Variants in WIPF2 observed in about 807,000 individuals in gnomAD.
WIPF2 encodes WAS/WASL-interacting protein family member 2.
WIPF2 carries 23 observed loss-of-function variants against 38.8 expected under a neutral mutation model. The observed-to-expected ratio is 0.59, with a 90% CI of 0.43 to 0.84. The LOEUF (loss-of-function observed/expected upper bound fraction) is 0.84. Among genes scored for constraint, WIPF2 ranks in the 40% least tolerant of loss-of-function variants. WIPF2 has a pLI of 0.00. For synonymous variants in WIPF2, 210 were observed against 223.2 expected, an observed-to-expected ratio of 0.94 and a Z score of 0.53; for missense variants, 574 against 580.5, an observed-to-expected ratio of 0.99 and a Z score of 0.11.
At chr17:40,219,996 G>C (rs1333714351) in intron 1 of WIPF2, 4 of 152,366 alleles carry the variant, frequency 2.6e-5, no homozygotes, top group Admixed American at 6.5e-5. Context: ...TCGGGAAACT[G>C]CTTACACTAG....
rs771927035 is a variant in WIPF2, at chr17:40,263,555, C to T, written c.313+914C>T. On this transcript the variant is annotated intron_variant, in intron 4 of 7. Coordinates refer to ENST00000323571, the MANE Select transcript of WIPF2 (RefSeq NM_133264.5). ...TTATTTTATTTATTCGTCCCCCCCC[C>T]CCCCGCAAATGGAGTCTTGCTCTGT... 3.5e-5 allele frequency among the ~76,000 whole-genome samples: 5 copies of T among 144,084 alleles called. No homozygotes were observed. In the East Asian group the frequency reaches 8.2e-4, roughly 24 times the overall value. 94.5% of individuals were successfully genotyped at this position (144,084 alleles called of 152,430 possible).
intron 1 of WIPF2, among the ~76,000 whole-genome samples, chr17:40,239,696 T>TC (rs1446353311): frequency 4.3e-4 from 62 of 144,486 alleles, no homozygotes; most frequent in Admixed American, 4.1e-4. Context: ...CTTTTCTTTT[T>TC]TTTTTTTTTT....
intron 1 of WIPF2, among the ~76,000 whole-genome samples, chr17:40,255,878 G>A (rs1193151728): frequency 3.3e-5 from 5 of 151,552 alleles, no homozygotes; most frequent in Non-Finnish European, 5.9e-5. Flanking sequence ...CACCCGCCTC[G>A]GCCTCCCAAA....
intron 1 of WIPF2, among the ~76,000 whole-genome samples, chr17:40,241,041 T>C (rs1401604147): frequency 2.0e-5 from 3 of 152,174 alleles, no homozygotes; most frequent in African/African-American, 4.8e-5. Context: ...TAACATGTTA[T>C]TCAACATATT....
chr17:40,252,493 G>A (rs572499823), intron 1 of WIPF2, among the ~76,000 whole-genome samples: 200 of 152,094 alleles, frequency 1.3e-3, no homozygotes, highest in Non-Finnish European at 2.4e-3. Flanking sequence ...GTGAAACCCC[G>A]TCTCTACTAA....
intron 7 of WIPF2, among the ~76,000 whole-genome samples, chr17:40,277,750 G>A (rs62065258): frequency 0.25 from 24,025 of 97,626 alleles, 2,781 homozygotes; most frequent in Non-Finnish European, 0.3. Context: ...TTTGAGATAG[G>A]GTCTCCCTAT....
intron 5 of WIPF2, among the ~76,000 whole-genome samples, chr17:40,270,930 TAAC>T (rs1042958040): frequency 6.6e-6 from 1 of 151,680 alleles, no homozygotes; most frequent in African/African-American, 2.4e-5. Flanking sequence ...GTTACATGCT[TAAC>T]TATAGTCACT....
chr17:40,260,916 G>A, intron 3 of WIPF2: 1 of 489,344 alleles, frequency 2.0e-6, no homozygotes, highest in South Asian at 2.0e-5. Flanking sequence ...ACTTTGGGAG[G>A]TCAAGGTGGA....
In WIPF2 at chr17:40,268,631, G is replaced by C. The variant is rs577535280; in HGVS notation, c.970+3485G>C. On this transcript the variant is annotated intron_variant, in intron 5 of 7. Transcript: ENST00000323571. ...ATTTTTATTTTTTAAGATGAGGTCT[G>C]TGTTGCCCAGGCTGGACTCAAACTC... 5.9e-5 allele frequency among the ~76,000 whole-genome samples: 9 copies of C among 152,092 alleles called. No homozygotes were observed. In the East Asian group the frequency reaches 1.5e-3, roughly 26 times the overall value.
At chr17:40,243,295 C>CA (rs2031253145) in intron 1 of WIPF2, among the ~76,000 whole-genome samples, 1 of 152,064 alleles carries the variant, frequency 6.6e-6, no homozygotes, top group South Asian at 2.1e-4. Flanking sequence ...ACAAACCCCC[C>CA]ACTGCTAAAT....
chr17:40,235,915 T>G (rs1175542090), intron 1 of WIPF2, among the ~76,000 whole-genome samples: 1 of 150,810 alleles, frequency 6.6e-6, no homozygotes, highest in Non-Finnish European at 1.5e-5. Flanking sequence ...ATATCTGAAT[T>G]ACCTCCTTTC....
rs575847608 is a variant in WIPF2 at position 40,278,730 on chromosome 17, G to C, written c.*505G>C. On this transcript the variant is annotated 3_prime_UTR_variant, in exon 8 of 8. Transcript: ENST00000323571. ...TTGCCAAGAAGTGATCTGTTTTAAA[G>C]GTCATATTTGGAGAAAGGGCAAGGA... 6.5e-6 allele frequency: 1 copy of C among 153,308 alleles called. No individual in the cohort carries two copies. Among genetic ancestry groups the C allele is most frequent in the Non-Finnish European group, 1.5e-5 (1 of 68,646 alleles). The allele number at this position is 153,308 out of a possible 1,614,324, so 9.5% of individuals were successfully genotyped here.
chr17:40,241,394 C>T (rs1201321631), intron 1 of WIPF2, among the ~76,000 whole-genome samples: 1 of 152,216 alleles, frequency 6.6e-6, no homozygotes, highest in South Asian at 2.1e-4. Context: ...TAGCCTTCCC[C>T]TAATACTGCT....
At chr17:40,250,094 A>C (rs980399697) in intron 1 of WIPF2, among the ~76,000 whole-genome samples, 2 of 151,556 alleles carry the variant, frequency 1.3e-5, no homozygotes, top group Non-Finnish European at 2.9e-5. Flanking sequence ...AGCCCCCCAG[A>C]GTGCTGGGAT....
Position 40,273,868 on chromosome 17 carries a change from G to C in WIPF2, c.1049G>C (p.Gly350Ala). ...PPPPPPYRMH[G>A]SEPPSRGKPP... ...CCCCCACCACCATACCGAATGCATG[G>C]GTCAGAACCCCCGAGCCGAGGAAAG... The change falls in exon 6 of 8, where the codon GGG (glycine) becomes GCG (alanine). Residue 350 changes from glycine to alanine, a missense_variant. Coordinates refer to ENST00000323571, the MANE Select transcript of WIPF2 (RefSeq NM_133264.5). 6.3e-7 allele frequency: 1 copy of C among 1,576,242 alleles called. No homozygotes were observed. Among genetic ancestry groups the C allele is most frequent in the Non-Finnish European group, 8.7e-7 (1 of 1,154,528 alleles).
chr17:40,226,208 AT>A (rs5820333), intron 1 of WIPF2, among the ~76,000 whole-genome samples: 7,036 of 109,920 alleles, frequency 0.064, 193 homozygotes, highest in Non-Finnish European at 0.089. Flanking sequence ...AAAAAAAAAA[AT>A]TTTTTTTTTT....
intron 1 of WIPF2, among the ~76,000 whole-genome samples, chr17:40,229,273 G>A (rs367893178): frequency 2.2e-4 from 33 of 151,274 alleles, no homozygotes; most frequent in African/African-American, 5.6e-4. Flanking sequence ...CACCACGCCC[G>A]GCTAATTTTG....
intron 1 of WIPF2, among the ~76,000 whole-genome samples, chr17:40,251,358 CAA>C (rs1427852653): frequency 6.8e-6 from 1 of 147,804 alleles, no homozygotes; most frequent in African/African-American, 2.5e-5. Context: ...TTTTTTAACT[CAA>C]AGTAGTTCTC....
At chr17:40,234,858 G>A (rs1454314325) in intron 1 of WIPF2, among the ~76,000 whole-genome samples, 3 of 152,012 alleles carry the variant, frequency 2.0e-5, no homozygotes, top group Non-Finnish European at 4.4e-5. Flanking sequence ...GCACGCTCTC[G>A]TTGCTACTGG....
Sources: gnomAD v4.1 joint callset for allele counts (sites outside exome capture counted in the v4.1 genomes callset) on GRCh38, gnomAD v4.1.1 for gene constraint, MANE v1.5 for transcripts, NCBI Gene and HGNC (gene_info 2026-07-23, HGNC 2026-07-21) for gene names.